The following PRKCA variants were observed in gnomAD, a reference collection of about 807,000 sequenced individuals.
PRKCA encodes the protein protein kinase C alpha.
Under a neutral mutation model 87.0 loss-of-function variants are expected in PRKCA, and 27 were observed. The ratio of observed to expected loss-of-function variants is 0.31; its 90% CI spans 0.23 to 0.43. The LOEUF (loss-of-function observed/expected upper bound fraction) is 0.43, where lower values mean the gene tolerates loss of function less well. Ranked by LOEUF, PRKCA falls within the 20% of genes least tolerant of loss-of-function variation. The pLI, the probability that PRKCA is intolerant of heterozygous loss-of-function variation, is 1.00. For missense variants in PRKCA, 518 were observed against 852.3 expected, an observed-to-expected ratio of 0.61 and a Z score of 4.88; for synonymous variants, 329 against 311.1, an observed-to-expected ratio of 1.06 and a Z score of -0.61.
chr17:66,694,307 C>G (rs113565506), intron 8 of PRKCA, among the ~76,000 whole-genome samples: 1 of 151,642 alleles, frequency 6.6e-6, no homozygotes, highest in Non-Finnish European at 1.5e-5. Context: ...ATGGTGAAAC[C>G]CTGTCTCTAC....
intron 8 of PRKCA, among the ~76,000 whole-genome samples, chr17:66,726,546 G>A (rs142303650): frequency 1.1e-4 from 17 of 152,244 alleles, no homozygotes; most frequent in African/African-American, 3.4e-4. Context: ...CGGAGCTGGC[G>A]TCCCAAGGCA....
At chr17:66,802,989 C>T (rs907149478) in intron 16 of PRKCA, among the ~76,000 whole-genome samples, 7 of 152,326 alleles carry the variant, frequency 4.6e-5, no homozygotes, top group Admixed American at 1.3e-4. Context: ...GACTTCAACA[C>T]GCCACTACCC....
At chr17:66,531,903 C>T (rs1967555626) in intron 3 of PRKCA, among the ~76,000 whole-genome samples, 1 of 152,154 alleles carries the variant, frequency 6.6e-6, no homozygotes, top group Admixed American at 6.5e-5. Flanking sequence ...GTCTGGAGCC[C>T]ATGTTTCCAG....
At chr17:66,796,377 G>A (rs1217257334) in intron 16 of PRKCA, 34 of 947,332 alleles carry the variant, frequency 3.6e-5, no homozygotes, top group Non-Finnish European at 4.1e-5. Context: ...GTCCATTCCC[G>A]ATTCTGGACT....
chr17:66,432,974 C>T (rs1913174919), intron 2 of PRKCA, among the ~76,000 whole-genome samples: 1 of 152,132 alleles, frequency 6.6e-6, no homozygotes. Flanking sequence ...TGAAGCCAGG[C>T]TCTTTGTGAG....
intron 8 of PRKCA, among the ~76,000 whole-genome samples, chr17:66,692,521 C>G (rs982581400): frequency 2.0e-5 from 3 of 152,156 alleles, no homozygotes; most frequent in Non-Finnish European, 2.9e-5. Context: ...AAGGGATGCA[C>G]CAGGGCAGAA....
chr17:66,518,860 G>A (rs930278402), intron 3 of PRKCA, among the ~76,000 whole-genome samples: 2 of 152,138 alleles, frequency 1.3e-5, no homozygotes, highest in Non-Finnish European at 2.9e-5. Flanking sequence ...AACAGATCTT[G>A]GAGTTGCTTT....
intron 2 of PRKCA, among the ~76,000 whole-genome samples, chr17:66,371,297 A>G (rs1265727185): frequency 1.3e-5 from 2 of 152,204 alleles, no homozygotes; most frequent in Non-Finnish European, 2.9e-5. Flanking sequence ...CAGAATGAAG[A>G]GAGAATTGTT....
intron 2 of PRKCA, among the ~76,000 whole-genome samples, chr17:66,342,522 G>A (rs1907109708): frequency 1.3e-5 from 2 of 150,788 alleles, no homozygotes; most frequent in Admixed American, 6.6e-5. Context: ...GGCAGGGTGA[G>A]CATCTGAACC....
At chr17:66,732,574 C>G in intron 8 of PRKCA, 114 bp from the exon 9 acceptor site, 1 of 1,307,858 alleles carries the variant, frequency 7.6e-7, no homozygotes. Context: ...TGTTCCTTTT[C>G]TCACCCCATC....
chr17:66,562,252 TAA>T (rs60364973), intron 3 of PRKCA, among the ~76,000 whole-genome samples: 4 of 105,634 alleles, frequency 3.8e-5, no homozygotes, highest in East Asian at 4.9e-4. Flanking sequence ...CTCACCACAA[TAA>T]AAAAAAAAGT....
intron 3 of PRKCA, among the ~76,000 whole-genome samples, chr17:66,535,263 A>G (rs1050086693): frequency 6.6e-6 from 1 of 152,100 alleles, no homozygotes; most frequent in Non-Finnish European, 1.5e-5. Context: ...CACATCTCAT[A>G]TTTTGCCAGA....
chr17:66,469,429 A>G (rs957428684), intron 2 of PRKCA, among the ~76,000 whole-genome samples: 3 of 152,224 alleles, frequency 2.0e-5, no homozygotes, highest in Non-Finnish European at 4.4e-5. Flanking sequence ...AATAAATAAT[A>G]TTGAAAACAA....
At chr17:66,570,623 G>T (rs899498670) in intron 3 of PRKCA, among the ~76,000 whole-genome samples, 1 of 152,168 alleles carries the variant, frequency 6.6e-6, no homozygotes, top group Non-Finnish European at 1.5e-5. Flanking sequence ...GGGTGTGAAA[G>T]ACTCTGCTTT....
In PRKCA at chr17:66,794,778, G is replaced by A. The variant is rs567415424; in HGVS notation, c.1854+5799G>A. ...TGGGATTGCAGGCACCTGCCACCATGCCTGGCTAATTTTTTTTATATTTTT... is the reference window on the plus strand; with the variant it reads ...TGGGATTGCAGGCACCTGCCACCATACCTGGCTAATTTTTTTTATATTTTT... On this transcript the variant is annotated intron_variant, in intron 16 of 16. Transcript: ENST00000413366. 2.4e-3 allele frequency among the ~76,000 whole-genome samples: 358 copies of A among 151,962 alleles called. 3 individuals carry two copies. Among genetic ancestry groups the A allele is most frequent in the African/African-American group, 8.2e-3 (341 of 41,450 alleles).
intron 3 of PRKCA, among the ~76,000 whole-genome samples, chr17:66,637,375 T>A (rs1341839063): frequency 6.6e-6 from 1 of 152,208 alleles, no homozygotes; most frequent in African/African-American, 2.4e-5. Context: ...CCCTCCGCAC[T>A]GTAGGACGCA....
chr17:66,302,701 C>T lies in PRKCA; in HGVS notation c.-151C>T. On this transcript the variant is annotated 5_prime_UTR_variant, in exon 1 of 17. Coordinates refer to ENST00000413366, the MANE Select transcript of PRKCA (RefSeq NM_002737.3). ...CACCAGCCCGACTCTCCCCGGCCCC[C>T]GCCGCGCCCCCTCGCCGCGACCTCG... 3.0e-6 allele frequency: 1 copy of T among 334,762 alleles called. No homozygotes were observed. Among genetic ancestry groups the T allele is most frequent in the Non-Finnish European group, 4.2e-6 (1 of 236,406 alleles). The allele number at this position is 334,762 out of a possible 1,614,324, so 20.7% of individuals were successfully genotyped here. A position where few individuals can be genotyped will look rare whatever the true frequency, so the allele number is the denominator to read the frequency against.
At chr17:66,497,765 G>A (rs979643957) in intron 3 of PRKCA, among the ~76,000 whole-genome samples, 2 of 152,288 alleles carry the variant, frequency 1.3e-5, no homozygotes, top group Admixed American at 1.3e-4. Context: ...CTATCTCAGT[G>A]CAGGCAAGAC....
At chr17:66,419,870 A>G (rs1360768080) in intron 2 of PRKCA, among the ~76,000 whole-genome samples, 2 of 152,156 alleles carry the variant, frequency 1.3e-5, no homozygotes, top group Non-Finnish European at 2.9e-5. Flanking sequence ...GCATAGGTCC[A>G]TCCATGTATT....
Sources: gnomAD v4.1 joint callset for allele counts (sites outside exome capture counted in the v4.1 genomes callset) on GRCh38, gnomAD v4.1.1 for gene constraint, MANE v1.5 for transcripts, NCBI Gene and HGNC (gene_info 2026-07-23, HGNC 2026-07-21) for gene names.